The following STXBP5 variants were observed in gnomAD, a reference collection of about 807,000 sequenced individuals.
STXBP5 encodes syntaxin-binding protein 5.
STXBP5 carries 50 observed loss-of-function variants against 152.4 expected under a neutral mutation model. That is an observed-to-expected ratio of 0.33 (90% CI 0.26 to 0.42). The LOEUF is 0.42. Among genes scored for constraint, STXBP5 ranks in the 10% least tolerant of loss-of-function variants. STXBP5 has a pLI of 1.00. For synonymous variants in STXBP5, 492 were observed against 494.7 expected (o/e 0.99, Z 0.07); for missense variants, 1,167 against 1,388.6 (o/e 0.84, Z 2.54).
At chr6:147,243,669 A>G (rs1778657853) in intron 4 of STXBP5, among the ~76,000 whole-genome samples, 1 of 152,148 alleles carries the variant, frequency 6.6e-6, no homozygotes, top group Admixed American at 6.5e-5. Context: ...ATCACTACCT[A>G]GATTGCCTCC....
intron 16 of STXBP5, among the ~76,000 whole-genome samples, chr6:147,319,608 C>T (rs1452700611): frequency 1.3e-5 from 2 of 152,002 alleles, no homozygotes; most frequent in Non-Finnish European, 2.9e-5. Flanking sequence ...TATCTTGAGA[C>T]TTAATATTTT....
chr6:147,347,740 G>A (rs1322287202), intron 21 of STXBP5, among the ~76,000 whole-genome samples: 1 of 152,038 alleles, frequency 6.6e-6, no homozygotes, highest in Non-Finnish European at 1.5e-5. Flanking sequence ...GAGCTTTTAA[G>A]AAAAGATACA....
intron 4 of STXBP5, among the ~76,000 whole-genome samples, chr6:147,242,544 T>C (rs1330618857): frequency 2.0e-5 from 3 of 152,212 alleles, no homozygotes; most frequent in African/African-American, 7.2e-5. Flanking sequence ...AACTGCCCTC[T>C]ATAGGTGTAC....
At chr6:147,359,577 A>G (rs1229878132) in intron 23 of STXBP5, among the ~76,000 whole-genome samples, 3 of 151,430 alleles carry the variant, frequency 2.0e-5, no homozygotes, top group African/African-American at 7.3e-5. Flanking sequence ...GTCATCTAGC[A>G]TTAGGTATAT....
intron 16 of STXBP5, among the ~76,000 whole-genome samples, chr6:147,322,468 C>T (rs569325291): frequency 5.3e-5 from 8 of 152,334 alleles, no homozygotes; most frequent in African/African-American, 1.4e-4. Context: ...ACAACTTTCG[C>T]TGTTTCCTAG....
chr6:147,294,839 T>C (rs1216657476), intron 9 of STXBP5, among the ~76,000 whole-genome samples: 3 of 152,182 alleles, frequency 2.0e-5, no homozygotes, highest in African/African-American at 7.2e-5. Context: ...TGAAATTTTA[T>C]TCAGTGGTAT....
intron 23 of STXBP5, among the ~76,000 whole-genome samples, 183 bp downstream of exon 23, chr6:147,359,506 A>T (rs9497758): frequency 0.017 from 2,517 of 152,034 alleles, 60 homozygotes; most frequent in African/African-American, 0.056. Flanking sequence ...CATGTGCACA[A>T]TGTGCAGGTT....
intron 16 of STXBP5, among the ~76,000 whole-genome samples, chr6:147,322,163 C>A (rs1446597769): frequency 6.6e-6 from 1 of 152,122 alleles, no homozygotes; most frequent in African/African-American, 2.4e-5. Flanking sequence ...TGACCCTAAC[C>A]TTCTATACCT....
intron 9 of STXBP5, among the ~76,000 whole-genome samples, chr6:147,298,829 A>G (rs1324796884): frequency 6.6e-6 from 1 of 152,076 alleles, no homozygotes; most frequent in Non-Finnish European, 1.5e-5. Flanking sequence ...CAGCAAAAGC[A>G]GTCCTAAGAG....
chr6:147,281,920 A>G (rs374428569), intron 8 of STXBP5, among the ~76,000 whole-genome samples: 1 of 152,206 alleles, frequency 6.6e-6, no homozygotes, highest in South Asian at 2.1e-4. Context: ...TTTGAGCCTT[A>G]ATATTCTCAT....
chr6:147,260,242 T>C (rs1195526070), intron 4 of STXBP5, among the ~76,000 whole-genome samples: 1 of 152,164 alleles, frequency 6.6e-6, no homozygotes, highest in Non-Finnish European at 1.5e-5. Context: ...ATTAATGTGC[T>C]TAGTAATGCC....
At chr6:147,371,049 T>C (rs1785516984) in intron 25 of STXBP5, among the ~76,000 whole-genome samples, 1 of 151,994 alleles carries the variant, frequency 6.6e-6, no homozygotes, top group African/African-American at 2.4e-5. Flanking sequence ...GAGTCTAAAA[T>C]CAGACAAGTA....
intron 8 of STXBP5, among the ~76,000 whole-genome samples, chr6:147,287,870 A>G (rs1277223566): frequency 1.3e-5 from 2 of 152,136 alleles, no homozygotes; most frequent in East Asian, 1.9e-4. Flanking sequence ...AAAAAAAGCT[A>G]TATTCTTCAG....
chr6:147,239,857 A>G (rs1325061538), intron 4 of STXBP5, among the ~76,000 whole-genome samples: 1 of 152,120 alleles, frequency 6.6e-6, no homozygotes, highest in Non-Finnish European at 1.5e-5. Context: ...CTCTTCTAAT[A>G]TGACTTGTGA....
At chr6:147,335,721 A>C (rs1339634459) in intron 19 of STXBP5, among the ~76,000 whole-genome samples, 1 of 151,776 alleles carries the variant, frequency 6.6e-6, no homozygotes, top group Non-Finnish European at 1.5e-5. Context: ...AATGGCGTGA[A>C]CCCCAGGGGG....
At chr6:147,295,549 A>G (rs1033803372) in intron 9 of STXBP5, among the ~76,000 whole-genome samples, 11 of 152,184 alleles carry the variant, frequency 7.2e-5, no homozygotes, top group African/African-American at 2.2e-4. Context: ...CGAGTGGCCA[A>G]TTCCCCATGG....
At chr6:147,271,673 A>G (rs1780176814) in intron 7 of STXBP5, among the ~76,000 whole-genome samples, 1 of 152,164 alleles carries the variant, frequency 6.6e-6, no homozygotes, top group African/African-American at 2.4e-5. Context: ...TTGTATTAGA[A>G]AACAAGAATG....
chr6:147,370,578 T>G (rs1583007400), intron 25 of STXBP5, among the ~76,000 whole-genome samples: 1 of 152,190 alleles, frequency 6.6e-6, no homozygotes, highest in East Asian at 1.9e-4. Context: ...AAACTGTTTT[T>G]TTCAAATGGA....
intron 2 of STXBP5, among the ~76,000 whole-genome samples, chr6:147,231,077 T>C (rs1303649537): frequency 1.3e-5 from 2 of 151,780 alleles, no homozygotes; most frequent in South Asian, 2.1e-4. Flanking sequence ...GAATTTGATA[T>C]ACACTACTGT....
Sources: gnomAD v4.1 joint callset for allele counts (sites outside exome capture counted in the v4.1 genomes callset) on GRCh38, gnomAD v4.1.1 for gene constraint, MANE v1.5 for transcripts, NCBI Gene and HGNC (gene_info 2026-07-23, HGNC 2026-07-21) for gene names.